Variants in SASS6 observed in about 807,000 individuals in gnomAD.
SASS6 encodes SAS-6 centriolar assembly protein.
A neutral mutation model predicts 94.9 loss-of-function variants in SASS6; 59 were observed. The ratio of observed to expected loss-of-function variants is 0.62; its 90% confidence interval spans 0.50 to 0.77. The LOEUF is 0.77. SASS6 is among the 30% of genes least tolerant of loss of function. The pLI is 0.00. For synonymous variants in SASS6, 264 were observed against 270.0 expected (o/e 0.98, Z 0.22); for missense variants, 698 against 734.1 (o/e 0.95, Z 0.57).
chr1:100,088,708 G>C (rs1432954280), intron 14 of SASS6, among the ~76,000 whole-genome samples: 1 of 152,060 alleles, frequency 6.6e-6, no homozygotes, highest in South Asian at 2.1e-4. Context: ...CAGTGTGGTA[G>C]TGCACACCTG....
rs1306290473 is a variant in SASS6, at chr1:100,084,128, A to G, written c.*1200T>C. 6.6e-6 allele frequency: 1 copy of G among 151,250 alleles called. No individual in the cohort carries two copies. The highest frequency in any genetic ancestry group is 2.4e-5 in the African/African-American group (1 of 40,930). 9.4% of individuals were successfully genotyped at this position (151,250 alleles called of 1,614,324 possible). ...ACACTTGCAATTGCCAATAGTTTCAAGATACTGGCTTCGTAAAAAAAAAAA... is the reference window on the plus strand; with the variant it reads ...ACACTTGCAATTGCCAATAGTTTCAGGATACTGGCTTCGTAAAAAAAAAAA... On this transcript the variant is annotated 3_prime_UTR_variant, in exon 17 of 17. Coordinates refer to ENST00000287482, the MANE Select transcript of SASS6 (RefSeq NM_194292.3).
intron 7 of SASS6, among the ~76,000 whole-genome samples, chr1:100,112,250 G>C (rs1196964031): frequency 6.6e-6 from 1 of 152,026 alleles, no homozygotes; most frequent in Non-Finnish European, 1.5e-5. Flanking sequence ...AATATTAGAT[G>C]AGAAAAATGT....
chr1:100,093,276 C>A (rs1325259735), intron 14 of SASS6, among the ~76,000 whole-genome samples: 1 of 147,402 alleles, frequency 6.8e-6, no homozygotes, highest in Non-Finnish European at 1.5e-5. Context: ...ACATCCTGGG[C>A]TCAGGTGATC....
rs776426644 is a variant in SASS6 at position 100,110,355 on chromosome 1, T to G, written c.798A>C (p.Glu266Asp). Reference sequence around the variant, plus strand: ...TAGTGGAGTCTCCTTTATATTTTCTTTCGGTTAAGTCTTTATTAGCCGCTT... The same window carrying G: ...TAGTGGAGTCTCCTTTATATTTTCTGTCGGTTAAGTCTTTATTAGCCGCTT... ...ELEAANKDLT[E>D]RKYKGDSTIR... The change falls in exon 8 of 17, where the codon GAA (glutamate) becomes GAC (aspartate). Residue 266 changes from glutamate to aspartate, a missense_variant. By Grantham distance (45) the Glu-to-Asp change is conservative. Transcript: ENST00000287482. 1 of 1,607,966 alleles carries G rather than the reference T, an allele frequency of 6.2e-7. No individual in the cohort carries two copies. The highest frequency in any genetic ancestry group is 8.5e-7 in the Non-Finnish European group (1 of 1,176,786).
chr1:100,132,625 C>T (rs967631651), intron 1 of SASS6, 125 bp downstream of exon 1: 2 of 831,308 alleles, frequency 2.4e-6, no homozygotes, highest in Non-Finnish European at 4.1e-6. Flanking sequence ...GTTCCCTATC[C>T]GCTTCCTAGG....
intron 8 of SASS6, among the ~76,000 whole-genome samples, chr1:100,108,518 T>C (rs999578987): frequency 1.3e-5 from 2 of 152,020 alleles, no homozygotes; most frequent in Non-Finnish European, 2.9e-5. Flanking sequence ...ACAATAATTG[T>C]TCATTAAAAA....
In SASS6 at chr1:100,084,768, A is replaced by G. The variant is rs918282123; in HGVS notation, c.*560T>C. 2 of 152,190 alleles carry G rather than the reference A, an allele frequency of 1.3e-5. No homozygotes were observed. Among genetic ancestry groups the G allele is most frequent in the African/African-American group, 4.8e-5 (2 of 41,462 alleles). 9.4% of individuals were successfully genotyped at this position (152,190 alleles called of 1,614,324 possible). A position where few individuals can be genotyped will look rare whatever the true frequency, so the allele number is the denominator to read the frequency against. On this transcript the variant is annotated 3_prime_UTR_variant, in exon 17 of 17. Transcript: ENST00000287482. ...TTTGATTCATCACTAGCAAATTTAA[A>G]TGCTTCAAGGAAAATACGCTATGAA...
chr1:100,120,318 C>A, intron 6 of SASS6, 76 bp downstream of exon 6: 1 of 717,968 alleles, frequency 1.4e-6, no homozygotes, highest in Non-Finnish European at 2.5e-6. Context: ...TACATAAAAG[C>A]TTGGAACTGA....
chr1:100,108,577 C>A (rs2101665273), intron 8 of SASS6, among the ~76,000 whole-genome samples: 1 of 152,106 alleles, frequency 6.6e-6, no homozygotes, highest in African/African-American at 2.4e-5. Context: ...CAGCTAATAT[C>A]AACCCAAATG....
intron 1 of SASS6, among the ~76,000 whole-genome samples, chr1:100,128,613 G>T (rs1654791492): frequency 6.6e-6 from 1 of 152,162 alleles, no homozygotes; most frequent in Non-Finnish European, 1.5e-5. Flanking sequence ...CAAGCTTTCA[G>T]AGGATACGCT....
At chr1:100,102,880 A>T (rs1652605677) in intron 14 of SASS6, 75 bp downstream of exon 14, 2 of 1,144,114 alleles carry the variant, frequency 1.7e-6, no homozygotes, top group African/African-American at 1.6e-5. Flanking sequence ...ATGAACTTTT[A>T]AAAGATGTGA....
intron 7 of SASS6, among the ~76,000 whole-genome samples, chr1:100,118,137 GAA>G (rs986893324): frequency 6.6e-5 from 10 of 152,048 alleles, no homozygotes; most frequent in Non-Finnish European, 1.5e-4. Context: ...CCGACATGGA[GAA>G]ACCCCATCTC....
At chr1:100,099,945 TTGA>T (rs1352726655) in intron 14 of SASS6, among the ~76,000 whole-genome samples, 1 of 152,102 alleles carries the variant, frequency 6.6e-6, no homozygotes, top group Non-Finnish European at 1.5e-5. Context: ...CATAATCTCC[TTGA>T]TGAAAGTTTG....
intron 14 of SASS6, among the ~76,000 whole-genome samples, 192 bp downstream of exon 14, chr1:100,102,761 ACT>A (rs1652598014): frequency 6.6e-6 from 1 of 151,988 alleles, no homozygotes; most frequent in Non-Finnish European, 1.5e-5. Flanking sequence ...AATTACAGTG[ACT>A]CAAGAAATAT....
intron 13 of SASS6, among the ~76,000 whole-genome samples, 190 bp downstream of exon 13, chr1:100,105,576 AG>A (rs1652841073): frequency 6.6e-6 from 1 of 152,150 alleles, no homozygotes; most frequent in Non-Finnish European, 1.5e-5. Flanking sequence ...CTTGAAACTC[AG>A]CCTCTGTTCA....
At chr1:100,127,715 A>G (rs1311896265) in intron 1 of SASS6, among the ~76,000 whole-genome samples, 2 of 151,660 alleles carry the variant, frequency 1.3e-5, no homozygotes, top group African/African-American at 4.8e-5. Context: ...AGCTGGGCAC[A>G]GTGCCTCCCA....
At position 100,120,454 on chromosome 1, in the gene SASS6, T is replaced by C. The variant is rs1654105765; in HGVS notation, c.489A>G (p.Glu163=). 2 of 1,369,528 alleles carry C rather than the reference T, an allele frequency of 1.5e-6. No homozygotes were observed. The highest frequency in any genetic ancestry group is 1.0e-6 in the Non-Finnish European group (1 of 958,032). The allele number at this position is 1,369,528 out of a possible 1,614,324, so 84.8% of individuals were successfully genotyped here. A position where few individuals can be genotyped will look rare whatever the true frequency, so the allele number is the denominator to read the frequency against. The change falls in exon 6 of 17, where the codon GAA becomes GAG. Residue 163 remains glutamate (E), a synonymous_variant. Coordinates refer to ENST00000287482, the MANE Select transcript of SASS6 (RefSeq NM_194292.3). ...CTAGTGATTGCATCAATGATAATTT[T>C]TCTTCCTATTCATAAAAATAATAAA... The part of the protein sequence containing the change: ...LAGCLKCSKE[E]KLSLMQSLDD...
intron 1 of SASS6, among the ~76,000 whole-genome samples, chr1:100,130,689 GAAAAA>G (rs369101016): frequency 7.4e-6 from 1 of 135,180 alleles, no homozygotes; most frequent in African/African-American, 2.8e-5. Context: ...ACTCTGTCTA[GAAAAA>G]AAAAAAAAAA....
chr1:100,113,329 C>G (rs527881124), intron 7 of SASS6, among the ~76,000 whole-genome samples: 1 of 152,028 alleles, frequency 6.6e-6, no homozygotes, highest in Non-Finnish European at 1.5e-5. Flanking sequence ...AAAAAAAAGG[C>G]CGGGCCCGGT....
Sources: allele counts gnomAD v4.1 joint callset (sites outside exome capture counted in the v4.1 genomes callset), GRCh38; gene constraint gnomAD v4.1.1; transcripts MANE v1.5; gene names NCBI Gene and HGNC (gene_info 2026-07-23, HGNC 2026-07-21).